SMAD4: variants seen among roughly 807,000 people sequenced by gnomAD.
SMAD4 encodes SMAD family member 4.
Under a neutral mutation model 63.2 loss-of-function variants are expected in SMAD4, and 7 were observed. The observed-to-expected ratio is 0.11, with a 90% CI of 0.06 to 0.21. The LOEUF (loss-of-function observed/expected upper bound fraction) is 0.21, where lower values mean the gene tolerates loss of function less well. SMAD4 is among the 10% of genes least tolerant of loss of function. SMAD4 has a pLI of 1.00. For missense variants in SMAD4, 312 were observed against 693.8 expected, an observed-to-expected ratio of 0.45 and a Z score of 6.18; for synonymous variants, 215 against 235.4, an observed-to-expected ratio of 0.91 and a Z score of 0.79.
At position 51,082,921 on chromosome 18, in the gene SMAD4, ACT is replaced by A. The variant is rs1482767470; in HGVS notation, c.*4457_*4458del. 1 of 225,768 alleles carries A rather than the reference ACT, an allele frequency of 4.4e-6. No homozygotes were observed. 14.0% of individuals were successfully genotyped at this position (225,768 alleles called of 1,614,324 possible). Reference sequence around the variant, plus strand: ...AACGTTCTTTAAAACACAAGTACAAACTCTGGGACAGGACCCAAGACACTTTC... The same window carrying A: ...AACGTTCTTTAAAACACAAGTACAAACTGGGACAGGACCCAAGACACTTTC... On this transcript the variant is annotated 3_prime_UTR_variant, in exon 12 of 12. Coordinates refer to ENST00000342988, the MANE Select transcript of SMAD4 (RefSeq NM_005359.6).
rs1910687310 is a variant in SMAD4 at position 51,084,058 on chromosome 18, G to C, written c.*5591G>C. 1 of 229,682 alleles carries C rather than the reference G, an allele frequency of 4.4e-6. No homozygotes were observed. Among genetic ancestry groups the C allele is most frequent in the East Asian group, 6.1e-5 (1 of 16,368 alleles). The allele number at this position is 229,682 out of a possible 1,614,324, so 14.2% of individuals were successfully genotyped here. ...CACACACACACAGGTCAGAGTTTAA[G>C]GCTTTCGAGTCATGACATTCTAGCT... On this transcript the variant is annotated 3_prime_UTR_variant, in exon 12 of 12. Coordinates refer to ENST00000342988, the MANE Select transcript of SMAD4 (RefSeq NM_005359.6).
At position 51,062,851 on chromosome 18, in the gene SMAD4, G is replaced by GTTTTTTTTTTTTTTT. The variant is rs71171374; in HGVS notation, c.956-2562_956-2548dup. ...ACAGTCTAGTAATCTGGCTTTACTT[G>GTTTTTTTTTTTTTTT]TTTTTTTTTTTTTTTTTTTTTTTTG... is the stretch of plus-strand genomic sequence containing the variant. On this transcript the variant is annotated intron_variant, in intron 8 of 11. Transcript: ENST00000342988. 5.4e-4 allele frequency among the ~76,000 whole-genome samples: 35 copies of GTTTTTTTTTTTTTTT among 65,394 alleles called. 4 individuals carry two copies. Among genetic ancestry groups the GTTTTTTTTTTTTTTT allele is most frequent in the African/African-American group, 1.3e-3 (21 of 15,674 alleles). The allele number at this position is 65,394 out of a possible 152,430, so 42.9% of individuals were successfully genotyped here.
chr18:51,076,518 A>G (rs1310247228), intron 10 of SMAD4, 120 bp from the exon 11 acceptor site: 3 of 841,948 alleles, frequency 3.6e-6, no homozygotes, highest in Admixed American at 4.9e-5. Context: ...ACATGTTTTA[A>G]TTAATTCTTT....
rs760990830 is a variant in SMAD4 at position 51,047,277 on chromosome 18, A to G, written c.231A>G (p.Thr77=). 5.6e-6 allele frequency: 9 copies of G among 1,613,834 alleles called. No individual in the cohort carries two copies. The highest frequency in any genetic ancestry group is 2.2e-5 in the East Asian group (1 of 44,862). ...GTAAATGTGTTACCATACAGAGAAC[A>G]TTGGATGGGAGGCTTCAGGTTAGTC... The part of the protein sequence containing the change: ...HPSKCVTIQR[T]LDGRLQVAGR... Residue 77 remains threonine (T), a synonymous_variant, in exon 2 of 12, where the codon ACA becomes ACG. Coordinates refer to ENST00000342988, the MANE Select transcript of SMAD4 (RefSeq NM_005359.6).
chr18:51,059,206 T>A (rs1909936013), intron 7 of SMAD4, among the ~76,000 whole-genome samples: 1 of 152,202 alleles, frequency 6.6e-6, no homozygotes, highest in Non-Finnish European at 1.5e-5. Context: ...TTCAGTTATG[T>A]TACTATTTTT....
rs1011806717 is a variant in SMAD4 at position 51,065,795 on chromosome 18, T to C, written c.1139+189T>C. Among the ~76,000 whole-genome samples the C allele has an allele frequency of 2.0e-4, 30 of 152,230 alleles. 1 individual carries two copies. The highest frequency in any genetic ancestry group is 8.8e-5 in the Non-Finnish European group (6 of 68,026). On this transcript the variant is annotated intron_variant, in intron 9 of 11. Coordinates refer to ENST00000342988, the MANE Select transcript of SMAD4 (RefSeq NM_005359.6). ...TTGTCGGTGTTTTTGTTGTTTAACA[T>C]ATAATGATAAAAGATAGCCTTTTTT...
intron 10 of SMAD4, among the ~76,000 whole-genome samples, chr18:51,069,749 C>T (rs769421572): frequency 3.9e-5 from 6 of 152,180 alleles, no homozygotes; most frequent in Admixed American, 6.5e-5. Flanking sequence ...CCTAGGTGTA[C>T]TTCTGAATTG....
rs71171374 is a variant in SMAD4, at chr18:51,062,851, G to GTTTTTTTTTTT, written c.956-2558_956-2548dup. On this transcript the variant is annotated intron_variant, in intron 8 of 11. Transcript: ENST00000342988. ...ACAGTCTAGTAATCTGGCTTTACTT[G>GTTTTTTTTTTT]TTTTTTTTTTTTTTTTTTTTTTTTG... is the stretch of plus-strand genomic sequence containing the variant. Among the ~76,000 whole-genome samples the GTTTTTTTTTTT allele has an allele frequency of 8.3e-4, 54 of 65,394 alleles. 3 individuals are homozygous for GTTTTTTTTTTT. Among genetic ancestry groups the GTTTTTTTTTTT allele is most frequent in the Admixed American group, 1.7e-3 (7 of 4,228 alleles). The allele number at this position is 65,394 out of a possible 152,430, so 42.9% of individuals were successfully genotyped here.
At chr18:51,047,402 T>C (rs1270662504) in intron 2 of SMAD4, 107 bp downstream of exon 2, 1 of 954,330 alleles carries the variant, frequency 1.0e-6, no homozygotes, top group Non-Finnish European at 1.7e-6. Context: ...GCTCCATCTC[T>C]TCAGATACTG....
In SMAD4 at chr18:51,083,449, C is replaced by CT. The variant is rs886053919; in HGVS notation, c.*4991dup. ...GAATGAATGAATGAAACTTTTTGTC[C>CT]TTTTTTTTTCTGTTTTTTTTTTTCT... On this transcript the variant is annotated 3_prime_UTR_variant, in exon 12 of 12. Transcript: ENST00000342988. The CT allele has an allele frequency of 8.0e-4, 178 of 222,072 alleles. No individual in the cohort carries two copies. The highest frequency in any genetic ancestry group is 1.9e-3 in the South Asian group (10 of 5,324). The allele number at this position is 222,072 out of a possible 1,614,324, so 13.8% of individuals were successfully genotyped here.
At chr18:51,056,556 C>G (rs1165512222) in intron 5 of SMAD4, among the ~76,000 whole-genome samples, 1 of 141,606 alleles carries the variant, frequency 7.1e-6, no homozygotes, top group Non-Finnish European at 1.5e-5. Context: ...GGAGGCGGAG[C>G]TTGCAGTGAG....
chr18:51,049,364 C>T (rs2144407926), intron 4 of SMAD4, 40 bp downstream of exon 4: 1 of 1,484,784 alleles, frequency 6.7e-7, no homozygotes, highest in Non-Finnish European at 9.4e-7. Context: ...TTTGTTTTGT[C>T]CTATCCTCTC....
chr18:51,072,091 A>G (rs1910332297), intron 10 of SMAD4, among the ~76,000 whole-genome samples: 1 of 152,120 alleles, frequency 6.6e-6, no homozygotes, highest in Non-Finnish European at 1.5e-5. Context: ...GTGTGTTTTC[A>G]TTTCTCTTGG....
At chr18:51,038,257 G>A (rs1019029876) in intron 1 of SMAD4, among the ~76,000 whole-genome samples, 7 of 150,182 alleles carry the variant, frequency 4.7e-5, no homozygotes, top group Admixed American at 6.6e-5. Flanking sequence ...ACTGTGGGGG[G>A]GGGGGCAGTA....
chr18:51,031,306 T>C (rs1909043073), intron 1 of SMAD4, among the ~76,000 whole-genome samples: 1 of 152,216 alleles, frequency 6.6e-6, no homozygotes, highest in South Asian at 2.1e-4. Context: ...CCCAAACTGC[T>C]GTTAGGATTT....
rs764436881 is a variant in SMAD4, at chr18:51,076,623, G to T, written c.1309-15G>T. The T allele has an allele frequency of 6.2e-7, 1 of 1,609,788 alleles. No homozygotes were observed. Among genetic ancestry groups the T allele is most frequent in the Non-Finnish European group, 8.5e-7 (1 of 1,177,124 alleles). On this transcript the variant is annotated splice_polypyrimidine_tract_variant and intron_variant, in intron 10 of 11. Transcript: ENST00000342988. ...TCTTTATGAACTCATAGTATGAAAT[G>T]TTTTTTCTTAAAAGGTCTTTGATTT...
chr18:51,052,538 A>C (rs996616734), intron 4 of SMAD4: 2 of 201,566 alleles, frequency 9.9e-6, no homozygotes, highest in Non-Finnish European at 2.1e-5. Flanking sequence ...GTTGAATGCT[A>C]GCCCATAAAG....
At chr18:51,043,536 C>G (rs1909450630) in intron 1 of SMAD4, among the ~76,000 whole-genome samples, 2 of 152,168 alleles carry the variant, frequency 1.3e-5, no homozygotes, top group Non-Finnish European at 2.9e-5. Flanking sequence ...GAATACATCT[C>G]TTTATTCCTG....
intron 1 of SMAD4, among the ~76,000 whole-genome samples, chr18:51,036,434 C>G (rs12457540): frequency 0.33 from 49,916 of 151,940 alleles, 8,870 homozygotes; most frequent in East Asian, 0.47. Context: ...ATTGAATAAT[C>G]TAGTGAAAGG....
Sources: allele counts gnomAD v4.1 joint callset (sites outside exome capture counted in the v4.1 genomes callset), GRCh38; gene constraint gnomAD v4.1.1; transcripts MANE v1.5; gene names NCBI Gene and HGNC (gene_info 2026-07-23, HGNC 2026-07-21).